The following UBR3 variants were observed in gnomAD, a reference collection of about 807,000 sequenced individuals.
UBR3 encodes ubiquitin protein ligase E3 component n-recognin 3.
Under a neutral mutation model 243.2 loss-of-function variants are expected in UBR3, and 85 were observed. The ratio of observed to expected loss-of-function variants is 0.35; its 90% CI spans 0.29 to 0.42. The LOEUF (loss-of-function observed/expected upper bound fraction) is 0.42, where lower values mean the gene tolerates loss of function less well. UBR3 is among the 10% of genes least tolerant of loss of function. The probability of loss-of-function intolerance (pLI) is 1.00; values close to 1 mark genes in which losing one functional copy is unlikely to be tolerated. For missense variants in UBR3, 1,686 were observed against 2,300.8 expected (o/e 0.73, Z 5.47); for synonymous variants, 748 against 799.8 (o/e 0.94, Z 1.09).
chr2:169,977,427 T>C (rs2088501533), intron 24 of UBR3, among the ~76,000 whole-genome samples: 1 of 152,068 alleles, frequency 6.6e-6, no homozygotes, highest in Non-Finnish European at 1.5e-5. Flanking sequence ...CATGGTTCAT[T>C]CCAAGTCTAA....
chr2:169,947,777 A>T, intron 22 of UBR3, 62 bp downstream of exon 22: 2 of 1,318,308 alleles, frequency 1.5e-6, no homozygotes, highest in Non-Finnish European at 1.9e-6. Flanking sequence ...TTATGTTGGG[A>T]TATACTGTTC....
intron 11 of UBR3, among the ~76,000 whole-genome samples, chr2:169,914,861 TG>T (rs2085394568): frequency 2.7e-5 from 4 of 147,924 alleles, no homozygotes; most frequent in Non-Finnish European, 4.4e-5. Context: ...TGTGTGTGTG[TG>T]TGTGTGTGTG....
At chr2:169,881,716 A>ATG (rs1448437070) in intron 5 of UBR3, among the ~76,000 whole-genome samples, 1 of 138,260 alleles carries the variant, frequency 7.2e-6, no homozygotes, top group Non-Finnish European at 1.5e-5. Context: ...ATATATGTAT[A>ATG]TGTATATTTA....
At chr2:169,846,300 A>G (rs1452539907) in intron 1 of UBR3, among the ~76,000 whole-genome samples, 2 of 152,146 alleles carry the variant, frequency 1.3e-5, no homozygotes, top group Admixed American at 6.5e-5. Flanking sequence ...ATCATTATAT[A>G]ATGTCCTTTT....
At chr2:170,063,945 G>A (rs72625210) in intron 35 of UBR3, among the ~76,000 whole-genome samples, 20,348 of 152,194 alleles carry the variant, frequency 0.13, 1,922 homozygotes, top group South Asian at 0.33. Context: ...CTAAATGGCT[G>A]CTCAAGGCTT....
At chr2:169,889,670 G>A (rs1255099094) in intron 5 of UBR3, among the ~76,000 whole-genome samples, 1 of 152,190 alleles carries the variant, frequency 6.6e-6, no homozygotes, top group African/African-American at 2.4e-5. Flanking sequence ...TGGCAAAGGT[G>A]GAGATTAACA....
intron 35 of UBR3, among the ~76,000 whole-genome samples, chr2:170,073,108 T>G (rs180827406): frequency 6.6e-6 from 1 of 152,180 alleles, no homozygotes; most frequent in Non-Finnish European, 1.5e-5. Flanking sequence ...TTGCCCCATA[T>G]TAACATTTGC....
At chr2:170,057,436 C>A (rs1410435196) in intron 33 of UBR3, among the ~76,000 whole-genome samples, 2 of 151,970 alleles carry the variant, frequency 1.3e-5, no homozygotes, top group Admixed American at 6.6e-5. Context: ...CCTAAATATT[C>A]TTTTAATTTT....
At chr2:170,059,492 T>C (rs2091413509) in intron 33 of UBR3, among the ~76,000 whole-genome samples, 1 of 152,244 alleles carries the variant, frequency 6.6e-6, no homozygotes, top group Non-Finnish European at 1.5e-5. Context: ...GGTAGTGTTT[T>C]GAGTTTAGGT....
At chr2:169,974,083 T>C (rs1365119541) in intron 24 of UBR3, among the ~76,000 whole-genome samples, 1 of 151,962 alleles carries the variant, frequency 6.6e-6, no homozygotes, top group East Asian at 1.9e-4. Flanking sequence ...CTTTCTAGTA[T>C]GTGTTAAGGA....
At chr2:169,953,181 G>A (rs1052064758) in intron 23 of UBR3, among the ~76,000 whole-genome samples, 1 of 152,130 alleles carries the variant, frequency 6.6e-6, no homozygotes, top group South Asian at 2.1e-4. Flanking sequence ...CTTTCTTTGT[G>A]ATAGGTTTTG....
chr2:169,833,341 G>T (rs915714192), intron 1 of UBR3, among the ~76,000 whole-genome samples: 2 of 152,162 alleles, frequency 1.3e-5, no homozygotes, highest in Admixed American at 6.5e-5. Flanking sequence ...TTCATGTTCT[G>T]TCCTATATTA....
In UBR3 at chr2:170,083,177, T is replaced by C. The variant is rs936341557; in HGVS notation, c.*1334T>C. 3 of 51,436 alleles carry C rather than the reference T, an allele frequency of 5.8e-5. No individual in the cohort carries two copies. The South Asian group carries it at 3.4e-3, about 59-fold the overall frequency. 3.2% of individuals were successfully genotyped at this position (51,436 alleles called of 1,614,324 possible). ...AAAATAAACTAAACAAATCTAATGA[T>C]AAAATATGTCAGATCCATGTTCTAA... On this transcript the variant is annotated 3_prime_UTR_variant, in exon 39 of 39. Coordinates refer to ENST00000272793, the MANE Select transcript of UBR3 (RefSeq NM_172070.4).
chr2:170,048,164 T>C (rs1366524335), intron 32 of UBR3, among the ~76,000 whole-genome samples: 3 of 152,292 alleles, frequency 2.0e-5, no homozygotes, highest in East Asian at 3.9e-4. Context: ...TTTAGGATCA[T>C]TGTGAGGATC....
At chr2:169,940,960 A>T (rs942558539) in intron 19 of UBR3, among the ~76,000 whole-genome samples, 7 of 152,228 alleles carry the variant, frequency 4.6e-5, no homozygotes, top group Non-Finnish European at 1.0e-4. Context: ...TCCTTAGTCC[A>T]GTGTACCATG....
At chr2:170,006,841 TAAATG>T in intron 27 of UBR3, 144 bp from the exon 28 acceptor site, 1 of 688,578 alleles carries the variant, frequency 1.5e-6, no homozygotes, top group Non-Finnish European at 2.4e-6. Context: ...CTTTAACAGT[TAAATG>T]AAGGATTTTG....
At chr2:169,935,011 C>T (rs1379548681) in intron 19 of UBR3, among the ~76,000 whole-genome samples, 1 of 151,984 alleles carries the variant, frequency 6.6e-6, no homozygotes, top group African/African-American at 2.4e-5. Context: ...TTCCAAATAC[C>T]CCTGAGTGGG....
chr2:169,827,534 C>T lies in UBR3; in HGVS notation c.27C>T (p.Val9=). MAAAAAAA[V]GGQQPSQPEL... is the part of the protein sequence containing the mutation. ...TGGCGGCGGCGGCCGCGGCGGCCGT[C>T]GGGGGCCAGCAGCCGTCACAGCCCG... The change falls in exon 1 of 39, where the codon GTC becomes GTT. Residue 9 remains valine, a synonymous_variant. Coordinates refer to ENST00000272793, the MANE Select transcript of UBR3 (RefSeq NM_172070.4). 1.2e-5 allele frequency: 15 copies of T among 1,230,784 alleles called. No homozygotes were observed. The highest frequency in any genetic ancestry group is 1.4e-5 in the Non-Finnish European group (14 of 988,638). The allele number at this position is 1,230,784 out of a possible 1,614,324, so 76.2% of individuals were successfully genotyped here. A position where few individuals can be genotyped will look rare whatever the true frequency, so the allele number is the denominator to read the frequency against.
At chr2:169,897,740 A>AT (rs2084647681) in intron 8 of UBR3, among the ~76,000 whole-genome samples, 1 of 152,106 alleles carries the variant, frequency 6.6e-6, no homozygotes, top group South Asian at 2.1e-4. Flanking sequence ...ACCTCAGGTG[A>AT]TCCCCCTGCC....
Sources: gnomAD v4.1 joint callset for allele counts (sites outside exome capture counted in the v4.1 genomes callset) on GRCh38, gnomAD v4.1.1 for gene constraint, MANE v1.5 for transcripts, NCBI Gene and HGNC (gene_info 2026-07-23, HGNC 2026-07-21) for gene names.